Variants in TEX9 observed in about 807,000 individuals in gnomAD.
TEX9 encodes the protein testis-expressed protein 9.
A neutral mutation model predicts 59.6 loss-of-function variants in TEX9; 74 were observed. The observed-to-expected ratio is 1.24, with a 90% confidence interval of 1.03 to 1.51. The LOEUF is 1.51. Among genes scored for constraint, TEX9 ranks in the 40% most tolerant of loss-of-function variants. The pLI, the probability that TEX9 is intolerant of heterozygous loss-of-function variation, is 0.00. For synonymous variants in TEX9, 186 were observed against 152.2 expected, an observed-to-expected ratio of 1.22 and a Z score of -1.64; for missense variants, 522 against 447.8, an observed-to-expected ratio of 1.17 and a Z score of -1.49.
intron 1 of TEX9, among the ~76,000 whole-genome samples, chr15:56,332,511 C>T (rs1348585670): frequency 6.6e-6 from 1 of 150,822 alleles, no homozygotes; most frequent in East Asian, 2.0e-4. Context: ...GGAGATATAC[C>T]TAATGCTAGA....
chr15:56,399,579 C>T (rs1229292685), intron 9 of TEX9, among the ~76,000 whole-genome samples: 1 of 152,246 alleles, frequency 6.6e-6, no homozygotes, highest in East Asian at 1.9e-4. Context: ...ACTTAAACGT[C>T]CCTGTCTGAC....
At chr15:56,254,618 T>C (rs1245385928) in intron 1 of TEX9, among the ~76,000 whole-genome samples, 1 of 151,582 alleles carries the variant, frequency 6.6e-6, no homozygotes, top group Non-Finnish European at 1.5e-5. Flanking sequence ...GGATTCTTAT[T>C]TATAAAGTAA....
At chr15:56,382,429 A>C (rs1254141916) in intron 3 of TEX9, among the ~76,000 whole-genome samples, 1 of 152,120 alleles carries the variant, frequency 6.6e-6, no homozygotes, top group Admixed American at 6.5e-5. Flanking sequence ...AAGCAGAAGG[A>C]GTCTTTCACT....
At position 56,337,131 on chromosome 15, in the gene TEX9, T is replaced by G. The variant is rs539657270; in HGVS notation, c.-106-36310T>G. Among the ~76,000 whole-genome samples, 165 of 152,322 alleles carry G rather than the reference T, an allele frequency of 1.1e-3. 1 individual carries two copies. The highest frequency in any genetic ancestry group is 3.6e-3 in the African/African-American group (151 of 41,570). ...CTGGAAAAATTTACAAGAAAAAGATTAGTGGGAAAAAATTCCAAATCCTGA... is the reference window on the plus strand; with the variant it reads ...CTGGAAAAATTTACAAGAAAAAGATGAGTGGGAAAAAATTCCAAATCCTGA... On this transcript the variant is annotated intron_variant, in intron 1 of 5. Coordinates refer to the TEX9 transcript ENST00000560827.
chr15:56,288,325 T>TA (rs2045001909), intron 1 of TEX9, among the ~76,000 whole-genome samples: 1 of 152,120 alleles, frequency 6.6e-6, no homozygotes, highest in South Asian at 2.1e-4. Flanking sequence ...TTTTTTTTAC[T>TA]AATTAGTTTT....
At position 56,284,260 on chromosome 15, in the gene TEX9, G is replaced by C. The variant is rs115649841; in HGVS notation, c.-107+39982G>C. On this transcript the variant is annotated intron_variant, in intron 1 of 5. Transcript: ENST00000560827. Reference sequence around the variant, plus strand: ...GATCCTCCTGCTTCAGCCTTCCACAGTGCTAGGATTACAGGCGTGAGCCAC... The same window carrying C: ...GATCCTCCTGCTTCAGCCTTCCACACTGCTAGGATTACAGGCGTGAGCCAC... Among the ~76,000 whole-genome samples the C allele has an allele frequency of 4.5e-3, 690 of 152,198 alleles. 8 individuals carry two copies. Among genetic ancestry groups the C allele is most frequent in the African/African-American group, 0.016 (658 of 41,514 alleles).
At chr15:56,391,309 C>T in exon 7 of TEX9, 1 of 1,606,216 alleles carries the variant, frequency 6.2e-7, no homozygotes, top group East Asian at 2.2e-5. Context: ...ATTTCTCAGA[C>T]TTTTCCCTTG....
chr15:56,445,796 G>A (rs1260225928), exon 13 of TEX9: 9 of 151,952 alleles, frequency 5.9e-5, no homozygotes, highest in Non-Finnish European at 1.0e-4. Context: ...AGCAATTCTC[G>A]TAGGAGTCAG....
exon 10 of TEX9, chr15:56,412,359 G>C: frequency 6.2e-7 from 1 of 1,613,650 alleles, no homozygotes; most frequent in Non-Finnish European, 8.5e-7. Context: ...AAGTGCCACA[G>C]AGGTTCGCTT....
chr15:56,412,523 A>C lies in TEX9; in HGVS notation c.963+87A>C, dbSNP rs2049409113. On this transcript the variant is annotated intron_variant, in intron 10 of 12. Coordinates refer to ENST00000352903, the Ensembl canonical transcript of TEX9. ...ATGTCAAAAATAATACTTAAATTAT[A>C]ATTCTTGATGTCATGCTGAACATTT... The C allele has an allele frequency of 2.2e-6, 3 of 1,347,602 alleles. No homozygotes were observed. In the South Asian group the frequency reaches 4.4e-5, roughly 20 times the overall value. 83.5% of individuals were successfully genotyped at this position (1,347,602 alleles called of 1,614,324 possible). A position where few individuals can be genotyped will look rare whatever the true frequency, so the allele number is the denominator to read the frequency against.
intron 12 of TEX9, chr15:56,431,383 T>A (rs751782350): frequency 5.0e-6 from 8 of 1,611,836 alleles, no homozygotes; most frequent in Non-Finnish European, 6.8e-6. Flanking sequence ...TTTAGGGAGA[T>A]AGCCTAGTAA....
At chr15:56,408,652 TCTCC>T (rs1245147235) in intron 9 of TEX9, 1 of 152,170 alleles carries the variant, frequency 6.6e-6, no homozygotes, top group Non-Finnish European at 1.5e-5. Flanking sequence ...CTCTCTTCCT[TCTCC>T]CTGTCTTAGT....
At chr15:56,380,993 C>T (rs1596148442) in intron 3 of TEX9, among the ~76,000 whole-genome samples, 1 of 152,232 alleles carries the variant, frequency 6.6e-6, no homozygotes, top group Middle Eastern at 3.4e-3. Context: ...CTGATATTAT[C>T]CCTTCGAATA....
intron 1 of TEX9, among the ~76,000 whole-genome samples, chr15:56,273,973 TC>T (rs2044610541): frequency 6.6e-6 from 1 of 152,198 alleles, no homozygotes; most frequent in Non-Finnish European, 1.5e-5. Flanking sequence ...ATCTGTGGCT[TC>T]ATGTCTTACA....
At chr15:56,283,166 G>A (rs377416120) in intron 1 of TEX9, among the ~76,000 whole-genome samples, 40 of 151,534 alleles carry the variant, frequency 2.6e-4, no homozygotes, top group African/African-American at 9.0e-4. Context: ...GAGTTTGAAG[G>A]GACACAGGGG....
intron 1 of TEX9, among the ~76,000 whole-genome samples, chr15:56,263,532 C>G (rs537478825): frequency 6.6e-6 from 1 of 151,562 alleles, no homozygotes; most frequent in Non-Finnish European, 1.5e-5. Flanking sequence ...TTTCTTTATT[C>G]GTTGTTCTTT....
intron 12 of TEX9, chr15:56,429,450 C>T (rs577709681): frequency 6.0e-6 from 2 of 334,082 alleles, no homozygotes; most frequent in East Asian, 1.5e-4. Flanking sequence ...CTGAGCTCTT[C>T]TACAAGTTCT....
At chr15:56,270,934 C>A (rs2044513737) in intron 1 of TEX9, among the ~76,000 whole-genome samples, 1 of 152,166 alleles carries the variant, frequency 6.6e-6, no homozygotes, top group African/African-American at 2.4e-5. Context: ...GTTGAAAATT[C>A]TTTTCTTTAA....
the TEX9 span, among the ~76,000 whole-genome samples, chr15:56,455,516 G>A: frequency 1.3e-5 from 2 of 152,086 alleles, no homozygotes; most frequent in African/African-American, 4.8e-5. Flanking sequence ...TTCTACAGAC[G>A]TCCTGCTCAA....
Sources: gnomAD v4.1 joint callset for allele counts (sites outside exome capture counted in the v4.1 genomes callset) on GRCh38, gnomAD v4.1.1 for gene constraint, MANE v1.5 for transcripts, NCBI Gene and HGNC (gene_info 2026-07-23, HGNC 2026-07-21) for gene names.